The following ARHGAP42 variants were observed in gnomAD, a reference collection of about 807,000 sequenced individuals.
ARHGAP42 encodes rho GTPase-activating protein 42.
In ARHGAP42, 63 loss-of-function variants were observed where a neutral mutation model predicts 125.0. That is an observed-to-expected ratio of 0.50 (90% CI 0.41 to 0.62). The LOEUF (loss-of-function observed/expected upper bound fraction) is 0.62. Ranked by LOEUF, ARHGAP42 falls within the 20% of genes least tolerant of loss-of-function variation. The probability of loss-of-function intolerance (pLI) is 0.00; values close to 1 mark genes in which losing one functional copy is unlikely to be tolerated. For synonymous variants in ARHGAP42, 339 were observed against 351.0 expected, an observed-to-expected ratio of 0.97 and a Z score of 0.38; for missense variants, 766 against 1,024.2, an observed-to-expected ratio of 0.75 and a Z score of 3.44.
intron 5 of ARHGAP42, among the ~76,000 whole-genome samples, chr11:100,916,017 T>C (rs1867052552): frequency 6.6e-6 from 1 of 152,158 alleles, no homozygotes; most frequent in Admixed American, 6.5e-5. Context: ...TCAAAAAGGC[T>C]CCTCTGTGCC....
At chr11:100,704,394 G>T (rs533684351) in intron 1 of ARHGAP42, among the ~76,000 whole-genome samples, 28 of 152,314 alleles carry the variant, frequency 1.8e-4, no homozygotes, top group African/African-American at 6.5e-4. Flanking sequence ...AGCCTCGGAG[G>T]TTAAAGAAAG....
rs192591760 is a variant in ARHGAP42, at chr11:100,921,683, A to G, written c.597+79A>G. ...AAGTACACTGTTTTTTCTATAATAT[A>G]TAATTTTTCTTGAAAATTATGATTG... On this transcript the variant is annotated intron_variant, in intron 6 of 23. Coordinates refer to ENST00000298815, the MANE Select transcript of ARHGAP42 (RefSeq NM_152432.4). The G allele has an allele frequency of 1.2e-3, 1,078 of 879,540 alleles. 8 individuals are homozygous for G. The African/African-American group carries it at 0.017, about 14-fold the overall frequency. The allele number at this position is 879,540 out of a possible 1,614,324, so 54.5% of individuals were successfully genotyped here. A position where few individuals can be genotyped will look rare whatever the true frequency, so the allele number is the denominator to read the frequency against.
intron 3 of ARHGAP42, among the ~76,000 whole-genome samples, chr11:100,831,842 A>C (rs1032946989): frequency 6.6e-6 from 1 of 152,234 alleles, no homozygotes; most frequent in Non-Finnish European, 1.5e-5. Flanking sequence ...AATGCATTCT[A>C]TGCCTCCTAT....
chr11:100,902,528 T>C (rs1294183043), intron 4 of ARHGAP42, among the ~76,000 whole-genome samples: 1 of 152,232 alleles, frequency 6.6e-6, no homozygotes, highest in Non-Finnish European at 1.5e-5. Flanking sequence ...TCAATAAAGA[T>C]GTTAACTTTT....
At position 100,799,202 on chromosome 11, in the gene ARHGAP42, T is replaced by C. The variant is rs531592099; in HGVS notation, c.312+4036T>C. Among the ~76,000 whole-genome samples the C allele has an allele frequency of 5.9e-5, 9 of 152,298 alleles. No homozygotes were observed. In the South Asian group the frequency reaches 1.9e-3, roughly 32 times the overall value. ...AGGTGATATTACTTTGGTAGCCATG[T>C]GAGAAAGAGATGAGGTGGGGAAGAA... On this transcript the variant is annotated intron_variant, in intron 3 of 23. Coordinates refer to ENST00000298815, the MANE Select transcript of ARHGAP42 (RefSeq NM_152432.4).
Position 100,936,207 on chromosome 11 carries a change from G to A in ARHGAP42, c.707G>A (p.Arg236Lys). The change falls in exon 8 of 24, where the codon AGG becomes AAG. Residue 236 changes from arginine (R) to lysine (K), a missense_variant. Physicochemically the swap from Arg to Lys is conservative, Grantham distance 26. Around this residue, in one of 3 missense-constraint regions of ARHGAP42, gnomAD observed 455 missense variants for 636.5 expected, o/e 0.71. Transcript: ENST00000298815. The part of the protein sequence containing the change: ...QQLQFNLQNT[R>K]NNFESTRQEV... ...TATTGTTTCTGTTTACTTAAGACAAGGAATAATTTTGAAAGTACTCGACAA... is the reference window on the plus strand; with the variant it reads ...TATTGTTTCTGTTTACTTAAGACAAAGAATAATTTTGAAAGTACTCGACAA... The A allele has an allele frequency of 6.4e-7, 1 of 1,551,458 alleles. No homozygotes were observed. The highest frequency in any genetic ancestry group is 8.7e-7 in the Non-Finnish European group (1 of 1,146,842).
intron 3 of ARHGAP42, among the ~76,000 whole-genome samples, chr11:100,850,480 A>G (rs1260278472): frequency 6.6e-6 from 1 of 152,178 alleles, no homozygotes; most frequent in African/African-American, 2.4e-5. Context: ...TTATAATCTT[A>G]TGGGACCTCT....
rs546672313 is a variant in ARHGAP42, at chr11:100,781,724, AT to A, written c.250+11293del. On this transcript the variant is annotated intron_variant, in intron 2 of 23. Coordinates refer to ENST00000298815, the MANE Select transcript of ARHGAP42 (RefSeq NM_152432.4). ...GCTACAAAGAGTCACAATTATTCAG[AT>A]TTTTTTCTGTAATAGTTTTAATATA... 2.0e-5 allele frequency among the ~76,000 whole-genome samples: 3 copies of A among 152,160 alleles called. No homozygotes were observed. The South Asian group carries it at 6.2e-4, about 32-fold the overall frequency.
At chr11:100,862,542 A>G (rs1287797471) in intron 4 of ARHGAP42, among the ~76,000 whole-genome samples, 2 of 152,320 alleles carry the variant, frequency 1.3e-5, no homozygotes, top group Admixed American at 6.5e-5. Flanking sequence ...ACCCGACAGT[A>G]TACTATGCCT....
intron 1 of ARHGAP42, among the ~76,000 whole-genome samples, chr11:100,733,886 C>T (rs1862006760): frequency 7.4e-6 from 1 of 135,734 alleles, no homozygotes; most frequent in South Asian, 2.5e-4. Context: ...ACAGTTGCTT[C>T]TAGAAAATCT....
At chr11:100,693,681 G>A (rs977868015) in intron 1 of ARHGAP42, among the ~76,000 whole-genome samples, 1 of 152,162 alleles carries the variant, frequency 6.6e-6, no homozygotes, top group South Asian at 2.1e-4. Context: ...AACAGTTCCT[G>A]TCTAGTGGAG....
chr11:100,786,323 T>G (rs1053553914), intron 2 of ARHGAP42, among the ~76,000 whole-genome samples: 4 of 152,200 alleles, frequency 2.6e-5, no homozygotes, highest in Admixed American at 6.5e-5. Flanking sequence ...CTTATTGCAT[T>G]GACAAAAATC....
At chr11:100,881,258 T>G (rs1865955275) in intron 4 of ARHGAP42, among the ~76,000 whole-genome samples, 1 of 152,158 alleles carries the variant, frequency 6.6e-6, no homozygotes, top group Non-Finnish European at 1.5e-5. Flanking sequence ...GAGTTGATCT[T>G]TACATAAGGT....
At chr11:100,878,464 TTACTAA>T (rs1360836452) in intron 4 of ARHGAP42, among the ~76,000 whole-genome samples, 9 of 152,328 alleles carry the variant, frequency 5.9e-5, no homozygotes, top group African/African-American at 2.2e-4. Context: ...TGTGGTCCAA[TTACTAA>T]TGCTTAGAAA....
chr11:100,814,147 C>A (rs1279122756), intron 3 of ARHGAP42, among the ~76,000 whole-genome samples: 1 of 151,910 alleles, frequency 6.6e-6, no homozygotes, highest in Admixed American at 6.5e-5. Context: ...GAGCAGAGGT[C>A]GCACCACTGC....
intron 7 of ARHGAP42, among the ~76,000 whole-genome samples, chr11:100,934,901 T>A (rs1225314129): frequency 6.6e-6 from 1 of 152,212 alleles, no homozygotes; most frequent in Non-Finnish European, 1.5e-5. Flanking sequence ...TTTAATTCAT[T>A]CTATTGTTTT....
intron 4 of ARHGAP42, among the ~76,000 whole-genome samples, chr11:100,888,971 G>A (rs1444322252): frequency 2.6e-5 from 4 of 152,176 alleles, no homozygotes; most frequent in African/African-American, 7.2e-5. Context: ...AAAGCATCTT[G>A]TTGAAATTCT....
At chr11:100,852,679 T>C (rs997776896) in intron 3 of ARHGAP42, among the ~76,000 whole-genome samples, 14 of 152,112 alleles carry the variant, frequency 9.2e-5, no homozygotes, top group African/African-American at 3.4e-4. Context: ...GTGTCTCTGA[T>C]TTTTGAGGTG....
chr11:100,816,019 T>G (rs763008800), intron 3 of ARHGAP42, among the ~76,000 whole-genome samples: 1 of 152,222 alleles, frequency 6.6e-6, no homozygotes, highest in Non-Finnish European at 1.5e-5. Flanking sequence ...CCATTGTATG[T>G]ATACATTATA....
Sources: gnomAD v4.1 joint callset for allele counts (sites outside exome capture counted in the v4.1 genomes callset) on GRCh38, gnomAD v4.1.1 for gene constraint, gnomAD v4.1.1 regional missense constraint, MANE v1.5 for transcripts, NCBI Gene and HGNC (gene_info 2026-07-23, HGNC 2026-07-21) for gene names.